The following ITGA4 variants were observed in gnomAD, a reference collection of about 807,000 sequenced individuals.
The protein encoded by ITGA4 is integrin alpha-4.
ITGA4 carries 63 observed loss-of-function variants against 133.6 expected under a neutral mutation model. That is an observed-to-expected ratio of 0.47 (90% confidence interval 0.38 to 0.58). ITGA4 has a LOEUF of 0.58. Among genes scored for constraint, ITGA4 ranks in the 20% least tolerant of loss-of-function variants. The pLI is 0.00. For missense variants in ITGA4, 1,076 were observed against 1,252.7 expected, an observed-to-expected ratio of 0.86 and a Z score of 2.13; for synonymous variants, 483 against 438.0, an observed-to-expected ratio of 1.10 and a Z score of -1.28.
At chr2:181,522,047 T>C (rs1206348777) in intron 17 of ITGA4, 144 bp from the exon 18 acceptor site, 5 of 450,356 alleles carry the variant, frequency 1.1e-5, no homozygotes, top group Admixed American at 4.0e-5. Flanking sequence ...TCTGCTTGCA[T>C]AGGGTCAATC....
intron 15 of ITGA4, among the ~76,000 whole-genome samples, chr2:181,503,669 A>G (rs1191924495): frequency 6.9e-6 from 1 of 145,532 alleles, no homozygotes; most frequent in Non-Finnish European, 1.5e-5. Context: ...TACAATTATT[A>G]GATTTTGCTA....
intron 2 of ITGA4, among the ~76,000 whole-genome samples, chr2:181,463,252 C>A (rs924737585): frequency 1.3e-5 from 2 of 152,108 alleles, no homozygotes; most frequent in Non-Finnish European, 2.9e-5. Flanking sequence ...GTTAGAGAGG[C>A]AGGCAGGAAT....
chr2:181,526,433 G>C (rs976815353), intron 21 of ITGA4, among the ~76,000 whole-genome samples: 3 of 152,104 alleles, frequency 2.0e-5, no homozygotes, highest in Admixed American at 1.3e-4. Flanking sequence ...GATCTCCCTA[G>C]AAACATATTT....
rs202125338 is a variant in ITGA4, at chr2:181,495,759, T to A, written c.1386-24T>A. 1 of 1,597,788 alleles carries A rather than the reference T, an allele frequency of 6.3e-7. No individual in the cohort carries two copies. Among genetic ancestry groups the A allele is most frequent in the South Asian group, 1.1e-5 (1 of 88,226 alleles). ...AGGAAAAATAATTCTGCAATTAACA[T>A]TGCTACTTTTATTTCCTTCTCAGGA... On this transcript the variant is annotated intron_variant, in intron 13 of 27. Transcript: ENST00000397033. This position sits in a 1 kb window ranked among gnomAD's most constrained non-coding sequence, Gnocchi z 4.3.
rs1687151255 is a variant in ITGA4 at position 181,536,974 on chromosome 2, G to GATGAAAGTT, written c.*1450_*1458dup. ...CTGCCACTAGCCAGCCATCCTAATT[G>GATGAAAGTT]ATGAAAGTTATCTGTTCACAGGCCT... On this transcript the variant is annotated 3_prime_UTR_variant, in exon 28 of 28. Coordinates refer to ENST00000397033, the MANE Select transcript of ITGA4 (RefSeq NM_000885.6). 6.6e-6 allele frequency: 3 copies of GATGAAAGTT among 452,312 alleles called. No individual in the cohort carries two copies. Among genetic ancestry groups the GATGAAAGTT allele is most frequent in the Non-Finnish European group, 1.3e-5 (3 of 226,230 alleles). The allele number at this position is 452,312 out of a possible 1,614,324, so 28.0% of individuals were successfully genotyped here.
In ITGA4 at chr2:181,537,909, T is replaced by C. The variant is rs528035517; in HGVS notation, c.*2382T>C. 42 of 570,906 alleles carry C rather than the reference T, an allele frequency of 7.4e-5. No individual in the cohort carries two copies. The highest frequency in any genetic ancestry group is 6.8e-4 in the African/African-American group (37 of 54,364). The allele number at this position is 570,906 out of a possible 1,614,324, so 35.4% of individuals were successfully genotyped here. ...TGGAGCATTACTGAGTTCCTCCCCC[T>C]GTCAGATCAGCAGCAGCATTAGATT... On this transcript the variant is annotated 3_prime_UTR_variant, in exon 28 of 28. Transcript: ENST00000397033.
rs146253958 is a variant in ITGA4 at position 181,538,461 on chromosome 2, A to G, written c.*2934A>G. On this transcript the variant is annotated 3_prime_UTR_variant, in exon 28 of 28. Coordinates refer to ENST00000397033, the MANE Select transcript of ITGA4 (RefSeq NM_000885.6). ...CTTAACTGACTTCCTTGATTGTCCA[A>G]TGCTCTCCATTACCTCTGTAAAACA... Among the ~76,000 whole-genome samples, 2 of 152,230 alleles carry G rather than the reference A, an allele frequency of 1.3e-5. No individual in the cohort carries two copies. Among genetic ancestry groups the G allele is most frequent in the Admixed American group, 6.6e-5 (1 of 15,266 alleles).
intron 14 of ITGA4, 144 bp from the exon 15 acceptor site, chr2:181,498,479 G>A: frequency 2.3e-6 from 1 of 435,798 alleles, no homozygotes; most frequent in Non-Finnish European, 4.0e-6. Flanking sequence ...CATATTTCAG[G>A]TTAGTCTTTA....
At position 181,482,670 on chromosome 2, in the gene ITGA4, A is replaced by T. The variant is rs751760077; in HGVS notation, c.1041+19A>T. 6.2e-7 allele frequency: 1 copy of T among 1,608,274 alleles called. No individual in the cohort carries two copies. Among genetic ancestry groups the T allele is most frequent in the Admixed American group, 1.7e-5 (1 of 59,882 alleles). On this transcript the variant is annotated intron_variant, in intron 9 of 27. Transcript: ENST00000397033. The stretch of plus-strand genomic sequence containing the variant: ...TGGCTCGGTATGTCCAAGTGCCCCA[A>T]CTGGAAGCCATTTATGGAATTATGA...
chr2:181,524,107 T>A (rs903961782), intron 19 of ITGA4, 64 bp from the exon 20 acceptor site: 4 of 1,076,004 alleles, frequency 3.7e-6, no homozygotes, highest in African/African-American at 1.6e-5. Flanking sequence ...AAGAAAAAAA[T>A]TCAGATTATA....
rs1686099529 is a variant in ITGA4, at chr2:181,493,541, AC to A, written c.1248+124del. On this transcript the variant is annotated intron_variant, in intron 11 of 27. Coordinates refer to ENST00000397033, the MANE Select transcript of ITGA4 (RefSeq NM_000885.6). ...ATTCAAATACTTAACACTTTATTTCACCGTTTACTTATAGTGGCAAATGATC... is the reference window on the plus strand; with the variant it reads ...ATTCAAATACTTAACACTTTATTTCACGTTTACTTATAGTGGCAAATGATC... 5.6e-6 allele frequency: 3 copies of A among 540,454 alleles called. 1 individual carries two copies. Among genetic ancestry groups the A allele is most frequent in the Non-Finnish European group, 9.8e-6 (3 of 305,994 alleles). The allele number at this position is 540,454 out of a possible 1,614,324, so 33.5% of individuals were successfully genotyped here. A position where few individuals can be genotyped will look rare whatever the true frequency, so the allele number is the denominator to read the frequency against.
intron 14 of ITGA4, among the ~76,000 whole-genome samples, chr2:181,497,110 C>G (rs1686172822): frequency 6.6e-6 from 1 of 152,058 alleles, no homozygotes; most frequent in African/African-American, 2.4e-5. Context: ...AATTTGAGAG[C>G]CTGACCACAG....
chr2:181,515,539 G>T (rs569515184), intron 17 of ITGA4, among the ~76,000 whole-genome samples: 4 of 152,132 alleles, frequency 2.6e-5, no homozygotes, highest in South Asian at 2.1e-4. Flanking sequence ...GACTGGCTCA[G>T]TAGTTGCAGT....
At chr2:181,527,850 AGTTTATGACCT>A (rs1350844543) in intron 22 of ITGA4, among the ~76,000 whole-genome samples, 1 of 152,190 alleles carries the variant, frequency 6.6e-6, no homozygotes, top group African/African-American at 2.4e-5. Context: ...TCAAGCCATA[AGTTTATGACCT>A]GTGACAAGTG....
chr2:181,534,415 ACATTT>A, intron 26 of ITGA4, 45 bp downstream of exon 26: 1 of 1,132,548 alleles, frequency 8.8e-7, no homozygotes, highest in Non-Finnish European at 1.3e-6. Context: ...ATAGGAAAAC[ACATTT>A]CAAGGGTGTC....
intron 15 of ITGA4, among the ~76,000 whole-genome samples, chr2:181,506,722 TG>T (rs1198531140): frequency 7.9e-5 from 12 of 152,230 alleles, no homozygotes; most frequent in Admixed American, 5.2e-4. Context: ...CAATAATATG[TG>T]TGATAGGGAT....
At chr2:181,527,216 T>C (rs1686851648) in intron 21 of ITGA4, 81 bp from the exon 22 acceptor site, 5 of 784,006 alleles carry the variant, frequency 6.4e-6, no homozygotes, top group East Asian at 5.3e-5. Context: ...AAATATGCTA[T>C]AATCCAGACT....
At chr2:181,472,889 G>A (rs1685588481) in intron 2 of ITGA4, among the ~76,000 whole-genome samples, 1 of 151,958 alleles carries the variant, frequency 6.6e-6, no homozygotes, top group South Asian at 2.1e-4. Flanking sequence ...GTGTCCACCT[G>A]GACTGTTCTT....
chr2:181,513,937 G>A (rs1010248344), intron 17 of ITGA4, among the ~76,000 whole-genome samples: 3 of 152,122 alleles, frequency 2.0e-5, no homozygotes, highest in Non-Finnish European at 4.4e-5. Context: ...TGTCCTGGAA[G>A]CTGCTGCAAA....
Sources: allele counts gnomAD v4.1 joint callset (sites outside exome capture counted in the v4.1 genomes callset), GRCh38; gene constraint gnomAD v4.1.1; non-coding constraint Gnocchi (gnomAD v3.1); transcripts MANE v1.5; gene names NCBI Gene and HGNC (gene_info 2026-07-23, HGNC 2026-07-21).